Variants in TXK observed in about 807,000 individuals in gnomAD.
TXK encodes TXK tyrosine kinase.
A neutral mutation model predicts 81.0 loss-of-function variants in TXK; 60 were observed. That is an observed-to-expected ratio of 0.74 (90% CI 0.60 to 0.92). The LOEUF (loss-of-function observed/expected upper bound fraction) is 0.92, where lower values mean the gene tolerates loss of function less well. Among genes scored for constraint, TXK ranks in the 40% least tolerant of loss-of-function variants. The pLI is 0.00. For missense variants in TXK, 581 were observed against 638.3 expected (o/e 0.91, Z 0.97); for synonymous variants, 203 against 210.7 (o/e 0.96, Z 0.32).
intron 1 of TXK, among the ~76,000 whole-genome samples, chr4:48,132,980 G>A (rs948305864): frequency 1.3e-5 from 2 of 151,510 alleles, no homozygotes; most frequent in South Asian, 2.1e-4. Context: ...TAAATCCTGC[G>A]TCTGACAACC....
At chr4:48,092,072 T>TAATACA (rs1717798288) in intron 8 of TXK, among the ~76,000 whole-genome samples, 1 of 152,164 alleles carries the variant, frequency 6.6e-6, no homozygotes, top group African/African-American at 2.4e-5. Flanking sequence ...AGGGGCTGGA[T>TAATACA]GATGCTAGTA....
At chr4:48,115,910 C>T (rs189054037) in intron 1 of TXK, among the ~76,000 whole-genome samples, 170 of 152,120 alleles carry the variant, frequency 1.1e-3, no homozygotes, top group African/African-American at 3.5e-3. Context: ...TTCATAGAAC[C>T]TACATTTCCC....
At chr4:48,130,178 G>A (rs537001942) in intron 1 of TXK, among the ~76,000 whole-genome samples, 4 of 152,330 alleles carry the variant, frequency 2.6e-5, no homozygotes, top group Non-Finnish European at 5.9e-5. Context: ...GGCCAAAGTG[G>A]CCAAGTTCTT....
chr4:48,099,895 G>A (rs1434605467), intron 6 of TXK, among the ~76,000 whole-genome samples: 1 of 152,164 alleles, frequency 6.6e-6, no homozygotes, highest in Non-Finnish European at 1.5e-5. Flanking sequence ...ATAAAAATGC[G>A]TAAAATAGGC....
chr4:48,114,170 C>T (rs1718728441), intron 2 of TXK, among the ~76,000 whole-genome samples, 178 bp downstream of exon 2: 1 of 152,096 alleles, frequency 6.6e-6, no homozygotes, highest in African/African-American at 2.4e-5. Context: ...GGAAAGGATC[C>T]CAGATGACCT....
rs1443817107 is a variant in TXK, at chr4:48,067,429, T to C, written c.*208A>G. On this transcript the variant is annotated 3_prime_UTR_variant, in exon 15 of 15. Transcript: ENST00000264316. ...GAAATATTTTACAGAAAAATAAGAG[T>C]GTGCAAATCCCTCTCACACATAGAA... The C allele has an allele frequency of 1.9e-6, 1 of 527,884 alleles. No homozygotes were observed. Among genetic ancestry groups the C allele is most frequent in the Admixed American group, 3.6e-5 (1 of 28,054 alleles). 32.7% of individuals were successfully genotyped at this position (527,884 alleles called of 1,614,324 possible). A position where few individuals can be genotyped will look rare whatever the true frequency, so the allele number is the denominator to read the frequency against.
chr4:48,110,241 C>T (rs1346614920), intron 5 of TXK, among the ~76,000 whole-genome samples: 4 of 152,116 alleles, frequency 2.6e-5, no homozygotes, highest in Admixed American at 6.5e-5. Flanking sequence ...AATTTAATGT[C>T]ATTTTTTAAA....
Position 48,081,277 on chromosome 4 carries a change from G to A in TXK, c.957-1149C>T, listed in dbSNP as rs144484834. On this transcript the variant is annotated intron_variant, in intron 10 of 14. Coordinates refer to ENST00000264316, the MANE Select transcript of TXK (RefSeq NM_003328.3). ...AGTTGATACCCACATGGAAGCATTTGAGAATTGAAATGTTACTGCATTTCC... is the reference window on the plus strand; with the variant it reads ...AGTTGATACCCACATGGAAGCATTTAAGAATTGAAATGTTACTGCATTTCC... Among the ~76,000 whole-genome samples, 122 of 152,240 alleles carry A rather than the reference G, an allele frequency of 8.0e-4. 1 individual carries two copies. Among genetic ancestry groups the A allele is most frequent in the African/African-American group, 2.8e-3 (115 of 41,554 alleles).
At chr4:48,076,874 C>A (rs1241759304) in intron 11 of TXK, among the ~76,000 whole-genome samples, 1 of 152,160 alleles carries the variant, frequency 6.6e-6, no homozygotes, top group Non-Finnish European at 1.5e-5. Context: ...AATGACCCAC[C>A]CACCTTGGCT....
intron 11 of TXK, among the ~76,000 whole-genome samples, chr4:48,078,834 C>T (rs1028725538): frequency 1.3e-5 from 2 of 152,144 alleles, no homozygotes; most frequent in Non-Finnish European, 2.9e-5. Context: ...GGAACTTGTT[C>T]TTCACTGTTG....
chr4:48,074,738 C>A (rs905431058), intron 12 of TXK, among the ~76,000 whole-genome samples: 2 of 152,054 alleles, frequency 1.3e-5, no homozygotes, highest in Non-Finnish European at 2.9e-5. Flanking sequence ...CTTAAATATA[C>A]AATATAGTGT....
intron 11 of TXK, among the ~76,000 whole-genome samples, chr4:48,076,933 C>T (rs917139017): frequency 2.0e-5 from 3 of 152,124 alleles, no homozygotes; most frequent in African/African-American, 7.2e-5. Flanking sequence ...CCAGGCTGCC[C>T]TCAGGATTAA....
intron 10 of TXK, among the ~76,000 whole-genome samples, chr4:48,084,665 C>A (rs1436047650): frequency 6.6e-6 from 1 of 152,150 alleles, no homozygotes; most frequent in Non-Finnish European, 1.5e-5. Context: ...CCTAGGGACC[C>A]AAAAACATCA....
intron 1 of TXK, among the ~76,000 whole-genome samples, chr4:48,125,583 C>T (rs1373201068): frequency 6.6e-6 from 1 of 152,220 alleles, no homozygotes; most frequent in Non-Finnish European, 1.5e-5. Context: ...GAGGCTCTCA[C>T]ACTTTTTCTC....
intron 4 of TXK, among the ~76,000 whole-genome samples, chr4:48,111,058 C>CA (rs1358053575): frequency 1.3e-5 from 2 of 152,156 alleles, no homozygotes; most frequent in African/African-American, 4.8e-5. Context: ...GAATATTTCT[C>CA]AAAGACAGAT....
intron 9 of TXK, among the ~76,000 whole-genome samples, chr4:48,088,028 T>C (rs1717602687): frequency 6.6e-6 from 1 of 152,158 alleles, no homozygotes; most frequent in Non-Finnish European, 1.5e-5. Flanking sequence ...TATTCTCTTA[T>C]GAAGAGAATA....
At chr4:48,124,398 A>G (rs1448087262) in intron 1 of TXK, among the ~76,000 whole-genome samples, 1 of 151,580 alleles carries the variant, frequency 6.6e-6, no homozygotes, top group Non-Finnish European at 1.5e-5. Flanking sequence ...AAGCTTCTCA[A>G]TCTCAGGGAC....
chr4:48,103,659 G>A (rs921938813), intron 6 of TXK, among the ~76,000 whole-genome samples: 3 of 152,176 alleles, frequency 2.0e-5, no homozygotes, highest in Non-Finnish European at 4.4e-5. Context: ...TTTACCCACA[G>A]TTAATGTTTA....
At chr4:48,133,314 G>A (rs565531786) in intron 1 of TXK, among the ~76,000 whole-genome samples, 1 of 152,098 alleles carries the variant, frequency 6.6e-6, no homozygotes, top group African/African-American at 2.4e-5. Context: ...ACAGTGTCTA[G>A]GGAATCTTTC....
Sources: allele counts gnomAD v4.1 joint callset (sites outside exome capture counted in the v4.1 genomes callset), GRCh38; gene constraint gnomAD v4.1.1; transcripts MANE v1.5; gene names NCBI Gene and HGNC (gene_info 2026-07-23, HGNC 2026-07-21).